AFDN: variants seen among roughly 807,000 people sequenced by gnomAD.
AFDN encodes the protein afadin, adherens junction formation factor, also known as afadin.
In AFDN, 68 loss-of-function variants were observed where a neutral mutation model predicts 216.6. That is an observed-to-expected ratio of 0.31 (90% CI 0.26 to 0.38). The LOEUF is 0.38. AFDN is among the 10% of genes least tolerant of loss of function. The pLI, the probability that AFDN is intolerant of heterozygous loss-of-function variation, is 1.00. For missense variants in AFDN, 2,136 were observed against 2,342.0 expected (o/e 0.91, Z 1.82); for synonymous variants, 868 against 853.7 (o/e 1.02, Z -0.29).
At position 167,965,853 on chromosome 6, in the gene AFDN, G is replaced by C. The variant is rs529754750; in HGVS notation, c.5065G>C (p.Gly1689Arg). The change falls in exon 32 of 34, where the codon GGT (glycine) becomes CGT (arginine). Residue 1689 changes from glycine (G) to arginine (R), a missense_variant. Gly to Arg is a moderately radical substitution (Grantham distance 125). Coordinates refer to ENST00000683244, the MANE Select transcript of AFDN (RefSeq NM_001386888.1). Reference protein sequence around the residue: ...ARRLLEPEAPGLCRPPLPRDY... With the variant: ...ARRLLEPEAPRLCRPPLPRDY... ...CAGGTTGCTGGAGCCCGAGGCGCCCGGTCTGTGCCGCCCTCCGCTTCCCCG... is the reference window on the plus strand; with the variant it reads ...CAGGTTGCTGGAGCCCGAGGCGCCCCGTCTGTGCCGCCCTCCGCTTCCCCG... The C allele has an allele frequency of 1.3e-6, 2 of 1,549,270 alleles. No homozygotes were observed. The highest frequency in any genetic ancestry group is 8.7e-7 in the Non-Finnish European group (1 of 1,146,596).
chr6:167,874,815 A>T (rs1349742727), intron 4 of AFDN, among the ~76,000 whole-genome samples: 1 of 151,992 alleles, frequency 6.6e-6, no homozygotes, highest in Non-Finnish European at 1.5e-5. Context: ...GGGTTTCTCC[A>T]TGTTGGTCAG....
At position 167,943,936 on chromosome 6, in the gene AFDN, C is replaced by T. The variant is rs528685238; in HGVS notation, c.3240-5C>T. Reference sequence around the variant, plus strand: ...TTTCTTACATGTGTAATCTTCTTCTCCTAGGGCGGCAGAACTCATGACAAG... The same window carrying T: ...TTTCTTACATGTGTAATCTTCTTCTTCTAGGGCGGCAGAACTCATGACAAG... On this transcript the variant is annotated splice_region_variant and splice_polypyrimidine_tract_variant and intron_variant, in intron 25 of 33. Transcript: ENST00000683244. 27 of 1,613,528 alleles carry T rather than the reference C, an allele frequency of 1.7e-5. No homozygotes were observed. Among genetic ancestry groups the T allele is most frequent in the Non-Finnish European group, 2.1e-5 (25 of 1,179,548 alleles).
At chr6:167,886,313 T>A (rs369393033) in intron 6 of AFDN, among the ~76,000 whole-genome samples, 2 of 152,294 alleles carry the variant, frequency 1.3e-5, no homozygotes, top group African/African-American at 4.8e-5. Flanking sequence ...AAAAAAGTCT[T>A]CTCAGAAGTG....
intron 1 of AFDN, among the ~76,000 whole-genome samples, chr6:167,830,553 C>T (rs1050771134): frequency 1.3e-5 from 2 of 152,170 alleles, no homozygotes; most frequent in African/African-American, 4.8e-5. Flanking sequence ...TTGCAAGAAG[C>T]TTACACTTAA....
intron 1 of AFDN, among the ~76,000 whole-genome samples, chr6:167,846,004 C>G (rs1055290069): frequency 6.6e-6 from 1 of 152,074 alleles, no homozygotes; most frequent in African/African-American, 2.4e-5. Flanking sequence ...ACCATCAGAT[C>G]TCCACTCAGT....
rs1012985262 is a variant in AFDN, at chr6:167,962,881, G to A, written c.4968+314G>A. The A allele has an allele frequency of 2.5e-6, 3 of 1,180,908 alleles. No homozygotes were observed. The highest frequency in any genetic ancestry group is 3.2e-6 in the Non-Finnish European group (3 of 948,012). 73.2% of individuals were successfully genotyped at this position (1,180,908 alleles called of 1,614,324 possible). On this transcript the variant is annotated intron_variant, in intron 31 of 33. Transcript: ENST00000683244. This position sits in a 1 kb window ranked among gnomAD's most constrained non-coding sequence, Gnocchi z 5.2. The stretch of plus-strand genomic sequence containing the variant: ...TCGGGCACTCATCTTTACTGAACAT[G>A]GCCCAGCTTGTCATTGTGAAGGTGA...
At position 167,890,889 on chromosome 6, in the gene AFDN, G is replaced by A. The variant is rs770890862; in HGVS notation, c.1037G>A (p.Arg346Lys). 6.2e-7 allele frequency: 1 copy of A among 1,612,888 alleles called. No homozygotes were observed. Among genetic ancestry groups the A allele is most frequent in the Admixed American group, 1.7e-5 (1 of 59,890 alleles). ...KGILVFQLKR[R>K]PPDHIPKKTK... ...ATTTTAGTCTTTCAGTTGAAGAGGA[G>A]GCCACCAGACCACATCCCAAAGAAA... is the stretch of plus-strand genomic sequence containing the variant. The change falls in exon 8 of 34, where the codon AGG becomes AAG. Residue 346 changes from arginine (R) to lysine (K), a missense_variant. Arg to Lys is a conservative substitution (Grantham distance 26). Transcript: ENST00000683244.
intron 1 of AFDN, among the ~76,000 whole-genome samples, chr6:167,838,478 G>T (rs377703183): frequency 6.6e-6 from 1 of 152,112 alleles, no homozygotes; most frequent in Non-Finnish European, 1.5e-5. Context: ...GGAGACTCTG[G>T]TTCTCCTTAC....
intron 8 of AFDN, among the ~76,000 whole-genome samples, chr6:167,892,392 A>G (rs890879237): frequency 1.3e-5 from 2 of 152,214 alleles, no homozygotes; most frequent in South Asian, 2.1e-4. Flanking sequence ...TGAAGCAGCC[A>G]TTAGTTTTTG....
intron 31 of AFDN, 47 bp from the exon 32 acceptor site, chr6:167,965,710 C>T (rs1057306003): frequency 2.0e-6 from 3 of 1,474,216 alleles, no homozygotes; most frequent in Non-Finnish European, 2.7e-6. Context: ...GTCGGCTGTT[C>T]CCTTCTCACC....
At chr6:167,969,046 T>C in intron 32 of AFDN, 68 bp from the exon 33 acceptor site, 1 of 1,270,314 alleles carries the variant, frequency 7.9e-7, no homozygotes, top group Non-Finnish European at 1.2e-6. Flanking sequence ...GAGCACTGCA[T>C]CTTTATCATG....
chr6:167,846,719 T>C (rs1448283984), intron 1 of AFDN, among the ~76,000 whole-genome samples: 4 of 149,096 alleles, frequency 2.7e-5, no homozygotes, highest in African/African-American at 1.0e-4. Flanking sequence ...AGTTGTTTTT[T>C]TTTTTTTTTT....
intron 32 of AFDN, among the ~76,000 whole-genome samples, chr6:167,966,472 T>C (rs2128766038): frequency 6.6e-6 from 1 of 152,344 alleles, no homozygotes; most frequent in East Asian, 1.9e-4. Context: ...CTTTGGTAGA[T>C]ATCTTAGTAC....
chr6:167,903,101 T>C (rs1331346049), intron 12 of AFDN, among the ~76,000 whole-genome samples: 1 of 152,238 alleles, frequency 6.6e-6, no homozygotes, highest in African/African-American at 2.4e-5. Flanking sequence ...ACACTTTGCT[T>C]CCATAATGAT....
chr6:167,885,102 C>T (rs909593957), intron 6 of AFDN, among the ~76,000 whole-genome samples: 2 of 152,182 alleles, frequency 1.3e-5, no homozygotes, highest in Admixed American at 1.3e-4. Flanking sequence ...TCTCACCTCT[C>T]TCAGCCTTCA....
At chr6:167,889,536 C>T (rs1204017966) in intron 7 of AFDN, among the ~76,000 whole-genome samples, 6 of 151,990 alleles carry the variant, frequency 3.9e-5, no homozygotes, top group Non-Finnish European at 7.4e-5. Flanking sequence ...CGGTTTCAAG[C>T]GATTCTCCTG....
At chr6:167,943,285 G>A (rs1174487265) in intron 24 of AFDN, 91 bp downstream of exon 24, 1 of 1,415,316 alleles carries the variant, frequency 7.1e-7, no homozygotes, top group Non-Finnish European at 1.0e-6. Flanking sequence ...TAGTTATGTA[G>A]CACTATAGTG....
At chr6:167,889,818 C>T (rs906448956) in intron 7 of AFDN, among the ~76,000 whole-genome samples, 10 of 152,206 alleles carry the variant, frequency 6.6e-5, no homozygotes, top group Non-Finnish European at 1.3e-4. Context: ...ATTAGCACTA[C>T]AGCAAGAAGC....
chr6:167,935,754 C>G (rs1384715256), intron 23 of AFDN, among the ~76,000 whole-genome samples: 2 of 151,910 alleles, frequency 1.3e-5, no homozygotes, highest in Non-Finnish European at 2.9e-5. Context: ...ATTGTGTTCT[C>G]AATTTTAATG....
Sources: gnomAD v4.1 joint callset for allele counts (sites outside exome capture counted in the v4.1 genomes callset) on GRCh38, gnomAD v4.1.1 for gene constraint, Gnocchi (gnomAD v3.1) non-coding constraint, MANE v1.5 for transcripts, NCBI Gene and HGNC (gene_info 2026-07-23, HGNC 2026-07-21) for gene names.